Variants in TRPM5 observed in about 807,000 individuals in gnomAD.
The protein encoded by TRPM5 is MLSN1 and TRP-related.
Under a neutral mutation model 124.9 loss-of-function variants are expected in TRPM5, and 121 were observed. The ratio of observed to expected loss-of-function variants is 0.97; its 90% CI spans 0.84 to 1.13. TRPM5 has a LOEUF of 1.13. Ranked by LOEUF, TRPM5 falls within the 50% of genes most tolerant of loss-of-function variation. The pLI is 0.00. For synonymous variants in TRPM5, 781 were observed against 700.5 expected (o/e 1.11, Z -1.81); for missense variants, 1,643 against 1,589.1 (o/e 1.03, Z -0.58).
chr11:2,431,996 G>A, the TRPM5 span, among the ~76,000 whole-genome samples: 5 of 152,300 alleles, frequency 3.3e-5, no homozygotes, highest in South Asian at 2.1e-4. Flanking sequence ...GTGTCCAGGC[G>A]TGTCTCTGTG....
At chr11:2,420,117 A>C in intron 4 of TRPM5, 105 bp downstream of exon 9, 1 of 1,341,616 alleles carries the variant, frequency 7.5e-7, no homozygotes, top group Non-Finnish European at 1.0e-6. Flanking sequence ...CTGCCTGGGA[A>C]GCCCTCCCCC....
At chr11:2,438,528 A>G in the TRPM5 span, among the ~76,000 whole-genome samples, 2 of 152,160 alleles carry the variant, frequency 1.3e-5, no homozygotes, top group Admixed American at 6.6e-5. The surrounding 1 kb of genome is among the most constrained non-coding windows in gnomAD (Gnocchi z 5.9). Flanking sequence ...TTAGCCAGGC[A>G]TGGTGGCATA....
chr11:2,414,851 G>C lies in TRPM5; in HGVS notation c.1621-13C>G. 1 of 1,590,200 alleles carries C rather than the reference G, an allele frequency of 6.3e-7. No individual in the cohort carries two copies. The highest frequency in any genetic ancestry group is 8.6e-7 in the Non-Finnish European group (1 of 1,169,488). ...CACCTTCCTGGCCCTACGAGACCTG[G>C]TCTCAGGAGGCCGCCCCTCCCCTGC... On this transcript the variant is annotated splice_polypyrimidine_tract_variant and intron_variant, in intron 10 of 23. Transcript: ENST00000155858.
the TRPM5 span, among the ~76,000 whole-genome samples, chr11:2,436,601 T>C: frequency 2.0e-5 from 3 of 152,130 alleles, no homozygotes; most frequent in East Asian, 5.8e-4. Context: ...ACCTTTAGAT[T>C]GTGGGGCTGG....
At chr11:2,437,626 AC>A in the TRPM5 span, among the ~76,000 whole-genome samples, 1 of 152,074 alleles carries the variant, frequency 6.6e-6, no homozygotes, top group Non-Finnish European at 1.5e-5. The surrounding 1 kb of genome is among the most constrained non-coding windows in gnomAD (Gnocchi z 5.6). Flanking sequence ...AAACTTGGGG[AC>A]CCTCAGGACA....
chr11:2,417,689 C>A (rs1456026024), intron 7 of TRPM5, 38 bp downstream of exon 12: 2 of 1,517,606 alleles, frequency 1.3e-6, no homozygotes, highest in Admixed American at 3.8e-5. Context: ...ATGAAGCCCC[C>A]CAATGGCGCC....
intron 18 of TRPM5, among the ~76,000 whole-genome samples, chr11:2,408,913 TGCTCATGTGTGAGTCTGCGTGTGA>T (rs1850382863): frequency 6.6e-6 from 1 of 152,224 alleles, no homozygotes; most frequent in African/African-American, 2.4e-5. Flanking sequence ...CTGGCACACA[TGCTCATGTGTGAGTCTGCGTGTGA>T]GCACACTGGC....
chr11:2,439,034 G>A, the TRPM5 span, among the ~76,000 whole-genome samples: 2 of 152,162 alleles, frequency 1.3e-5, no homozygotes, highest in African/African-American at 2.4e-5. Context: ...CACACCTACA[G>A]TAATCTGATC....
At chr11:2,428,155 T>G in the TRPM5 span, among the ~76,000 whole-genome samples, 2 of 152,200 alleles carry the variant, frequency 1.3e-5, no homozygotes, top group Admixed American at 6.5e-5. The surrounding 1 kb of genome is among the most constrained non-coding windows in gnomAD (Gnocchi z 4.0). Flanking sequence ...CCTCAGTACC[T>G]TGGAGTGTCA....
chr11:2,414,009 G>GGGGGGGGGCCCCCCCC, intron 12 of TRPM5, 52 bp downstream of exon 17: 1 of 1,023,734 alleles, frequency 9.8e-7, no homozygotes, highest in Non-Finnish European at 1.4e-6. Context: ...GGCCCAGCTC[G>GGGGGGGGGCCCCCCCC]CCCGCCCACC....
the TRPM5 span, among the ~76,000 whole-genome samples, chr11:2,430,777 T>C: frequency 3.4e-5 from 5 of 147,598 alleles, no homozygotes; most frequent in Non-Finnish European, 6.0e-5. Flanking sequence ...GTGGTGATGG[T>C]GGTGTTGATG....
At chr11:2,421,545 T>A (rs1278349791) in intron 2 of TRPM5, among the ~76,000 whole-genome samples, 1 of 152,178 alleles carries the variant, frequency 6.6e-6, no homozygotes, top group Non-Finnish European at 1.5e-5. Context: ...TCCCAGGATG[T>A]TTTCCCAAAT....
At chr11:2,417,463 G>A (rs1445820127) in intron 7 of TRPM5, among the ~76,000 whole-genome samples, 1 of 152,012 alleles carries the variant, frequency 6.6e-6, no homozygotes, top group African/African-American at 2.4e-5. Context: ...TCAAAAAACC[G>A]AAAACCAAAA....
intron 12 of TRPM5, 47 bp downstream of exon 17, chr11:2,414,014 C>CCCCCCCCCCCCCCCCA: frequency 1.9e-6 from 1 of 533,206 alleles, no homozygotes; most frequent in Non-Finnish European, 3.5e-6. Flanking sequence ...AGCTCGCCCG[C>CCCCCCCCCCCCCCCCA]CCACCCCACC....
chr11:2,405,070 C>G (rs147694578), intron 23 of TRPM5, 27 bp from the exon 29 acceptor site: 2 of 1,593,278 alleles, frequency 1.3e-6, no homozygotes, highest in South Asian at 2.2e-5. Context: ...CCCCCCTGAG[C>G]GGTGGGAACC....
chr11:2,439,553 C>T, the TRPM5 span, among the ~76,000 whole-genome samples: 5 of 151,886 alleles, frequency 3.3e-5, no homozygotes, highest in Admixed American at 6.5e-5. Context: ...GACATCCATG[C>T]GGTCAACAAG....
Position 2,405,606 on chromosome 11 carries a change from A to C in TRPM5, c.3325-13T>G, listed in dbSNP as rs1263969740. ...AGCAGTAGTTGATCTGGAGAAGGGA[A>C]ACACGTCCGGGAAGCTCCAGGGCTC... On this transcript the variant is annotated splice_polypyrimidine_tract_variant and intron_variant, in intron 22 of 23. Transcript: ENST00000155858. 1 of 1,556,472 alleles carries C rather than the reference A, an allele frequency of 6.4e-7. No individual in the cohort carries two copies. Among genetic ancestry groups the C allele is most frequent in the South Asian group, 1.2e-5 (1 of 84,478 alleles).
At chr11:2,414,009 GCCCGCCC>G in intron 12 of TRPM5, 45 bp downstream of exon 17, 10 of 1,023,732 alleles carry the variant, frequency 9.8e-6, no homozygotes, top group Admixed American at 4.5e-5. Flanking sequence ...GGCCCAGCTC[GCCCGCCC>G]ACCCCACCCC....
At chr11:2,429,775 G>A in the TRPM5 span, among the ~76,000 whole-genome samples, 9 of 151,978 alleles carry the variant, frequency 5.9e-5, no homozygotes, top group Non-Finnish European at 1.3e-4. This position sits in a 1 kb window ranked among gnomAD's most constrained non-coding sequence, Gnocchi z 8.4. Flanking sequence ...GATATGGTTT[G>A]GCTCTGTGTT....
Sources: gnomAD v4.1 joint callset for allele counts (sites outside exome capture counted in the v4.1 genomes callset) on GRCh38, gnomAD v4.1.1 for gene constraint, Gnocchi (gnomAD v3.1) non-coding constraint, MANE v1.5 for transcripts, NCBI Gene and HGNC (gene_info 2026-07-23, HGNC 2026-07-21) for gene names.